The following PARP8 variants were observed in gnomAD, a reference collection of about 807,000 sequenced individuals.
PARP8 encodes the protein poly(ADP-ribose) polymerase family member 8.
Under a neutral mutation model 124.1 loss-of-function variants are expected in PARP8, and 51 were observed. The observed-to-expected ratio is 0.41, with a 90% CI of 0.33 to 0.52. The LOEUF (loss-of-function observed/expected upper bound fraction) is 0.52. PARP8 is among the 20% of genes least tolerant of loss of function. The pLI is 0.21. For synonymous variants in PARP8, 391 were observed against 361.5 expected (o/e 1.08, Z -0.93); for missense variants, 860 against 1,018.9 (o/e 0.84, Z 2.12).
intron 14 of PARP8, among the ~76,000 whole-genome samples, chr5:50,813,809 G>A (rs1744766462): frequency 6.6e-6 from 1 of 152,006 alleles, no homozygotes; most frequent in African/African-American, 2.4e-5. Flanking sequence ...TCCCTGGAAT[G>A]TGTGTGTATA....
At chr5:50,689,358 T>C (rs1334800360) in intron 2 of PARP8, among the ~76,000 whole-genome samples, 1 of 152,172 alleles carries the variant, frequency 6.6e-6, no homozygotes, top group Non-Finnish European at 1.5e-5. Context: ...CTACTGAGGT[T>C]TATTTCTTAT....
chr5:50,717,163 C>G (rs1349170060), intron 2 of PARP8, among the ~76,000 whole-genome samples: 1 of 151,858 alleles, frequency 6.6e-6, no homozygotes, highest in African/African-American at 2.4e-5. Flanking sequence ...AGGCTGTATT[C>G]TCTGCATGCA....
intron 24 of PARP8, among the ~76,000 whole-genome samples, chr5:50,834,324 C>G (rs1300052511): frequency 6.6e-6 from 1 of 152,070 alleles, no homozygotes; most frequent in East Asian, 1.9e-4. Context: ...TAATGCTTAT[C>G]TCTTTAGTTA....
At chr5:50,761,298 C>CA (rs1368355415) in intron 5 of PARP8, among the ~76,000 whole-genome samples, 1 of 152,030 alleles carries the variant, frequency 6.6e-6, no homozygotes, top group Non-Finnish European at 1.5e-5. Context: ...ATTAAATACC[C>CA]TTTTGAAATC....
chr5:50,788,005 C>T (rs1741465194), intron 9 of PARP8, among the ~76,000 whole-genome samples: 1 of 149,202 alleles, frequency 6.7e-6, no homozygotes, highest in African/African-American at 2.5e-5. Context: ...AAAAGGAAAT[C>T]TCCTGTGCCT....
chr5:50,808,023 C>A (rs1032291330), intron 14 of PARP8, among the ~76,000 whole-genome samples: 2 of 151,736 alleles, frequency 1.3e-5, no homozygotes, highest in African/African-American at 2.4e-5. Flanking sequence ...TTTGTGTATC[C>A]GGCATTAAGC....
chr5:50,802,496 A>G (rs983733246), intron 14 of PARP8, among the ~76,000 whole-genome samples: 1 of 151,984 alleles, frequency 6.6e-6, no homozygotes, highest in Non-Finnish European at 1.5e-5. Context: ...TCTTTAAAAA[A>G]GTTTTTTGTA....
intron 2 of PARP8, chr5:50,669,620 G>A (rs1268442750): frequency 6.6e-6 from 1 of 152,154 alleles, no homozygotes; most frequent in Non-Finnish European, 1.5e-5. Context: ...AGATACTGCA[G>A]TTAAGATTCT....
intron 14 of PARP8, among the ~76,000 whole-genome samples, chr5:50,807,525 A>G (rs538211928): frequency 1.3e-5 from 2 of 152,230 alleles, no homozygotes; most frequent in East Asian, 3.9e-4. Flanking sequence ...GATGGTTTTT[A>G]AATGTAGTTT....
At chr5:50,676,076 G>A (rs146863286) in intron 2 of PARP8, among the ~76,000 whole-genome samples, 6,590 of 152,192 alleles carry the variant, frequency 0.043, 453 homozygotes, top group African/African-American at 0.15. Context: ...TTTTTAGAAT[G>A]TTATATATTA....
At chr5:50,813,161 T>C (rs1744673237) in intron 14 of PARP8, among the ~76,000 whole-genome samples, 1 of 152,220 alleles carries the variant, frequency 6.6e-6, no homozygotes, top group African/African-American at 2.4e-5. Context: ...GGGATGGCAT[T>C]GAATCTATAA....
chr5:50,695,349 T>G (rs1752913587), intron 2 of PARP8, among the ~76,000 whole-genome samples: 1 of 152,116 alleles, frequency 6.6e-6, no homozygotes, highest in Non-Finnish European at 1.5e-5. Context: ...GCTTAGAAAA[T>G]TACTGAAGTA....
At chr5:50,706,152 T>C (rs1754126988) in intron 2 of PARP8, among the ~76,000 whole-genome samples, 1 of 152,218 alleles carries the variant, frequency 6.6e-6, no homozygotes, top group African/African-American at 2.4e-5. Flanking sequence ...TTAAAATTGG[T>C]ATCAGTGTTA....
chr5:50,717,751 A>G (rs949913175), intron 2 of PARP8, among the ~76,000 whole-genome samples: 2 of 152,018 alleles, frequency 1.3e-5, no homozygotes, highest in African/African-American at 4.8e-5. Flanking sequence ...TGATAAAACA[A>G]TGAATCTTTG....
Position 50,666,919 on chromosome 5 carries a change from C to CCTA in PARP8, c.-176_-175insTAC. 7.4e-7 allele frequency: 1 copy of CCTA among 1,352,490 alleles called. No individual in the cohort carries two copies. Among genetic ancestry groups the CCTA allele is most frequent in the Non-Finnish European group, 9.5e-7 (1 of 1,047,126 alleles). 83.8% of individuals were successfully genotyped at this position (1,352,490 alleles called of 1,614,324 possible). The stretch of plus-strand genomic sequence containing the variant: ...CCGACCTCCCCCTCCTCCTCCTCCT[C>CCTA]CCCCTCCTCCTCCTCCTCTTCTCTC... On this transcript the variant is annotated 5_prime_UTR_variant, in exon 1 of 26. Coordinates refer to ENST00000281631, the MANE Select transcript of PARP8 (RefSeq NM_024615.4).
At chr5:50,822,972 G>A (rs978765815) in intron 17 of PARP8, among the ~76,000 whole-genome samples, 3 of 152,196 alleles carry the variant, frequency 2.0e-5, no homozygotes, top group Non-Finnish European at 2.9e-5. Flanking sequence ...ATTTGGAAAA[G>A]CACACACTGT....
intron 3 of PARP8, among the ~76,000 whole-genome samples, chr5:50,758,079 AC>A (rs1332197969): frequency 1.1e-4 from 17 of 152,168 alleles, no homozygotes; most frequent in African/African-American, 3.6e-4. Context: ...TAATAAAAAA[AC>A]ATTGACTCTA....
At chr5:50,788,621 C>T in intron 10 of PARP8, 32 bp downstream of exon 10, 1 of 1,549,356 alleles carries the variant, frequency 6.5e-7, no homozygotes, top group Middle Eastern at 1.8e-4. Context: ...AAATAAATTT[C>T]TGCTAAAGAG....
At chr5:50,815,320 A>T (rs1226813764) in intron 14 of PARP8, 112 bp from the exon 15 acceptor site, 1 of 718,470 alleles carries the variant, frequency 1.4e-6, no homozygotes, top group Non-Finnish European at 2.1e-6. Context: ...TTTCCTTTTT[A>T]AAAAACACTT....
Sources: gnomAD v4.1 joint callset for allele counts (sites outside exome capture counted in the v4.1 genomes callset) on GRCh38, gnomAD v4.1.1 for gene constraint, MANE v1.5 for transcripts, NCBI Gene and HGNC (gene_info 2026-07-23, HGNC 2026-07-21) for gene names.